The following TUBD1 variants were observed in gnomAD, a reference collection of about 807,000 sequenced individuals.
TUBD1 encodes tubulin delta 1.
Under a neutral mutation model 51.2 loss-of-function variants are expected in TUBD1, and 38 were observed. The observed-to-expected ratio is 0.74, with a 90% confidence interval of 0.57 to 0.97. The LOEUF is 0.97. TUBD1 is among the 50% of genes least tolerant of loss of function. The pLI, the probability that TUBD1 is intolerant of heterozygous loss-of-function variation, is 0.00. For missense variants in TUBD1, 489 were observed against 538.4 expected, an observed-to-expected ratio of 0.91 and a Z score of 0.91; for synonymous variants, 169 against 178.2, an observed-to-expected ratio of 0.95 and a Z score of 0.41.
chr17:59,882,306 C>T (rs537246040), intron 3 of TUBD1, among the ~76,000 whole-genome samples: 5 of 152,082 alleles, frequency 3.3e-5, no homozygotes, highest in South Asian at 4.1e-4. Context: ...TTTTTTGAGG[C>T]GGAGTCTCGC....
At chr17:59,877,500 G>A (rs2040277148) in intron 5 of TUBD1, among the ~76,000 whole-genome samples, 1 of 152,176 alleles carries the variant, frequency 6.6e-6, no homozygotes, top group Admixed American at 6.5e-5. Flanking sequence ...AAAAGGCTAG[G>A]GCCGGGTGCG....
chr17:59,884,469 C>T (rs910211171), intron 3 of TUBD1, among the ~76,000 whole-genome samples: 2 of 151,680 alleles, frequency 1.3e-5, no homozygotes, highest in African/African-American at 2.4e-5. Context: ...CAAAAATTAG[C>T]TGGGCATGGT....
chr17:59,871,926 G>C (rs1364074540), intron 6 of TUBD1, among the ~76,000 whole-genome samples: 3 of 151,390 alleles, frequency 2.0e-5, no homozygotes, highest in Non-Finnish European at 4.4e-5. Flanking sequence ...CTCCCAAGTA[G>C]CTAGGACTAC....
At chr17:59,879,464 C>A (rs2040384514) in intron 4 of TUBD1, among the ~76,000 whole-genome samples, 1 of 152,038 alleles carries the variant, frequency 6.6e-6, no homozygotes, top group Non-Finnish European at 1.5e-5. Context: ...GAAACAGAGT[C>A]TTGCTCTGTG....
Position 59,865,013 on chromosome 17 carries a change from T to C in TUBD1, c.1076-1166A>G, listed in dbSNP as rs184283731. ...CTGGGACTACAGGTGTGCACCACTATACTTGGCTAAAGTTTAAAATTCTTT... is the reference window on the plus strand; with the variant it reads ...CTGGGACTACAGGTGTGCACCACTACACTTGGCTAAAGTTTAAAATTCTTT... On this transcript the variant is annotated intron_variant, in intron 7 of 8. Coordinates refer to ENST00000325752, the MANE Select transcript of TUBD1 (RefSeq NM_016261.4). 7.2e-4 allele frequency among the ~76,000 whole-genome samples: 110 copies of C among 151,914 alleles called. 4 individuals carry two copies. In the East Asian group the frequency reaches 0.016, roughly 23 times the overall value.
intron 4 of TUBD1, among the ~76,000 whole-genome samples, chr17:59,879,689 G>T (rs2040394798): frequency 6.6e-6 from 1 of 152,014 alleles, no homozygotes; most frequent in South Asian, 2.1e-4. Flanking sequence ...GCCCATCTCA[G>T]CCTCCCAAAG....
At position 59,892,927 on chromosome 17, in the gene TUBD1, G is replaced by A; in HGVS notation, c.-270C>T. The A allele has an allele frequency of 4.0e-6, 2 of 495,494 alleles. No individual in the cohort carries two copies. The highest frequency in any genetic ancestry group is 6.3e-5 in the East Asian group (2 of 31,722). 30.7% of individuals were successfully genotyped at this position (495,494 alleles called of 1,614,324 possible). On this transcript the variant is annotated 5_prime_UTR_variant, in exon 1 of 9. Coordinates refer to ENST00000325752, the MANE Select transcript of TUBD1 (RefSeq NM_016261.4). The stretch of plus-strand genomic sequence containing the variant: ...TACGCATGCTCACTGTCCACCGAAC[G>A]CTCCAGCTGACAATGCGCATGCTCT...
rs1323889607 is a variant in TUBD1, at chr17:59,859,907, G to C, written c.*415C>G. The C allele has an allele frequency of 6.6e-6, 1 of 152,068 alleles. No homozygotes were observed. The highest frequency in any genetic ancestry group is 1.5e-5 in the Non-Finnish European group (1 of 68,224). 9.4% of individuals were successfully genotyped at this position (152,068 alleles called of 1,614,324 possible). ...AAGTGAATGTTTTCATTGAAAACAT[G>C]CGATTCTCCATTTTAAAAAGTTTTC... On this transcript the variant is annotated 3_prime_UTR_variant, in exon 9 of 9. Transcript: ENST00000325752.
At chr17:59,876,125 T>C (rs745936463) in intron 5 of TUBD1, among the ~76,000 whole-genome samples, 12 of 152,094 alleles carry the variant, frequency 7.9e-5, no homozygotes, top group Admixed American at 4.6e-4. Context: ...TTCTATTGCA[T>C]AGCACAAGTA....
intron 2 of TUBD1, among the ~76,000 whole-genome samples, chr17:59,890,269 G>A (rs970215947): frequency 1.3e-5 from 2 of 152,054 alleles, no homozygotes; most frequent in African/African-American, 2.4e-5. Flanking sequence ...TTTGGAGATG[G>A]AGTCTCGCTC....
rs563940883 is a variant in TUBD1, at chr17:59,865,283, G to A, written c.1075+1326C>T. 1.1e-4 allele frequency among the ~76,000 whole-genome samples: 16 copies of A among 152,244 alleles called. No individual in the cohort carries two copies. The South Asian group carries it at 2.7e-3, about 26-fold the overall frequency. On this transcript the variant is annotated intron_variant, in intron 7 of 8. Transcript: ENST00000325752. ...AAGAATAATGCCCTTTCAGCTGGGCGCAGTGGCTCACACCTGTAATCCCAG... is the reference window on the plus strand; with the variant it reads ...AAGAATAATGCCCTTTCAGCTGGGCACAGTGGCTCACACCTGTAATCCCAG...
Position 59,878,266 on chromosome 17 carries a change from A to C in TUBD1, c.606T>G (p.Leu202=). Reference sequence around the variant, plus strand: ...TATGGATGGCATCATTCTCATGAAGAAGGAGGGCGTCTGAAGATCGGTACA... The same window carrying C: ...TATGGATGGCATCATTCTCATGAAGCAGGAGGGCGTCTGAAGATCGGTACA... ...SHLYRSSDAL[L]LHENDAIHKI... Residue 202 remains leucine (L), a synonymous_variant, in exon 5 of 9, where the codon CTT becomes CTG. Coordinates refer to ENST00000325752, the MANE Select transcript of TUBD1 (RefSeq NM_016261.4). The C allele has an allele frequency of 7.4e-6, 12 of 1,614,086 alleles. No individual in the cohort carries two copies. The highest frequency in any genetic ancestry group is 1.0e-5 in the Non-Finnish European group (12 of 1,180,028).
chr17:59,882,147 A>C (rs1312937381), intron 3 of TUBD1, among the ~76,000 whole-genome samples: 1 of 151,730 alleles, frequency 6.6e-6, no homozygotes, highest in East Asian at 1.9e-4. Context: ...CCTGGCCTCA[A>C]GCAATTCTCC....
chr17:59,888,366 T>C (rs2040830933), intron 2 of TUBD1, among the ~76,000 whole-genome samples: 1 of 151,914 alleles, frequency 6.6e-6, no homozygotes, highest in African/African-American at 2.4e-5. Context: ...AGCAAGTCAG[T>C]GAAGGTGGAA....
chr17:59,860,690 G>A lies in TUBD1; in HGVS notation c.1260-266C>T, dbSNP rs974025748. Among the ~76,000 whole-genome samples, 10 of 151,362 alleles carry A rather than the reference G, an allele frequency of 6.6e-5. No individual in the cohort carries two copies. In the East Asian group the frequency reaches 1.2e-3, roughly 18 times the overall value. On this transcript the variant is annotated intron_variant, in intron 8 of 8. Coordinates refer to ENST00000325752, the MANE Select transcript of TUBD1 (RefSeq NM_016261.4). ...CAACCTCCACCTCCCAGGTTCAAGC[G>A]ATTCGACTACCTCAGCCTCCCGAGT... is the stretch of plus-strand genomic sequence containing the variant.
intron 3 of TUBD1, 105 bp from the exon 4 acceptor site, chr17:59,881,215 G>T: frequency 1.1e-6 from 1 of 903,108 alleles, no homozygotes; most frequent in Middle Eastern, 2.7e-4. Flanking sequence ...CAAAACTACG[G>T]AAGTGAAGGA....
intron 2 of TUBD1, among the ~76,000 whole-genome samples, chr17:59,887,369 C>CAAAAAAAA (rs112102883): frequency 8.1e-6 from 1 of 122,786 alleles, no homozygotes. Flanking sequence ...GACTCTGTCT[C>CAAAAAAAA]AAAAAAAAAA....
intron 2 of TUBD1, among the ~76,000 whole-genome samples, chr17:59,887,117 T>G (rs1375169961): frequency 6.7e-6 from 1 of 150,278 alleles, no homozygotes; most frequent in Non-Finnish European, 1.5e-5. Flanking sequence ...TCCCGGGAGG[T>G]GGAGGTTGCA....
chr17:59,885,254 A>G (rs920954430), intron 3 of TUBD1: 148 of 544,174 alleles, frequency 2.7e-4, no homozygotes, highest in Non-Finnish European at 3.8e-4. Flanking sequence ...AGCTCCCTGC[A>G]TGAGAGGGAT....
Sources: allele counts gnomAD v4.1 joint callset (sites outside exome capture counted in the v4.1 genomes callset), GRCh38; gene constraint gnomAD v4.1.1; transcripts MANE v1.5; gene names NCBI Gene and HGNC (gene_info 2026-07-23, HGNC 2026-07-21).